The following USH2A variants were observed in gnomAD, a reference collection of about 807,000 sequenced individuals.
USH2A encodes the protein Usher syndrome 2A (autosomal recessive, mild).
USH2A carries 443 observed loss-of-function variants against 538.9 expected under a neutral mutation model. The observed-to-expected ratio is 0.82, with a 90% confidence interval of 0.76 to 0.89. USH2A has a LOEUF of 0.89. USH2A is among the 40% of genes least tolerant of loss of function. The pLI is 0.00. For missense variants in USH2A, 6,633 were observed against 6,324.8 expected (o/e 1.05, Z -1.65); for synonymous variants, 2,413 against 2,273.5 (o/e 1.06, Z -1.75).
chr1:216,325,275 A>G lies in USH2A; in HGVS notation c.1143+30T>C, dbSNP rs774573231. The G allele has an allele frequency of 2.5e-6, 4 of 1,611,586 alleles. No individual in the cohort carries two copies. In the Admixed American group the frequency reaches 6.7e-5, roughly 27 times the overall value. On this transcript the variant is annotated intron_variant, in intron 6 of 71. Coordinates refer to ENST00000307340, the MANE Select transcript of USH2A (RefSeq NM_206933.4). ...GCATTTGTTGCAATAACCACAGGAA[A>G]TTAATGTACACCTTATCGTTTCTCA... is the stretch of plus-strand genomic sequence containing the variant.
intron 4 of USH2A, among the ~76,000 whole-genome samples, chr1:216,352,454 A>T (rs1416097465): frequency 6.6e-6 from 1 of 152,144 alleles, no homozygotes; most frequent in Non-Finnish European, 1.5e-5. Context: ...TGTGAAGGTG[A>T]GTAGAGATTT....
chr1:215,900,145 A>G lies in USH2A; in HGVS notation c.7524T>C (p.Phe2508=). The change falls in exon 40 of 72, where the codon TTT becomes TTC. Residue 2508 remains phenylalanine, a synonymous_variant. Coordinates refer to ENST00000307340, the MANE Select transcript of USH2A (RefSeq NM_206933.4). ...CAAATCCATTGGAGGCAACCAACCG[A>G]AACATATACTCTGTGTACGGTTGGA... ...SDLQPYTEYM[F]RLVASNGFGS... is the part of the protein sequence containing the mutation. 5 of 1,613,776 alleles carry G rather than the reference A, an allele frequency of 3.1e-6. No individual in the cohort carries two copies. The highest frequency in any genetic ancestry group is 3.4e-6 in the Non-Finnish European group (4 of 1,179,778).
At chr1:215,961,088 T>C (rs891588404) in intron 37 of USH2A, among the ~76,000 whole-genome samples, 3 of 151,974 alleles carry the variant, frequency 2.0e-5, no homozygotes, top group Non-Finnish European at 4.4e-5. Flanking sequence ...TTAGAGAAAA[T>C]GACAATAATC....
In USH2A at chr1:216,000,692, A is replaced by G. The variant is rs891663042; in HGVS notation, c.6326-130T>C. On this transcript the variant is annotated intron_variant, in intron 32 of 71. Transcript: ENST00000307340. ...CTTAAAATATGAATAAATAGCCATA[A>G]AAATCAATAGCAATAACATATAGGA... 11 of 1,140,660 alleles carry G rather than the reference A, an allele frequency of 9.6e-6. No homozygotes were observed. The African/African-American group carries it at 1.5e-4, about 16-fold the overall frequency. 70.7% of individuals were successfully genotyped at this position (1,140,660 alleles called of 1,614,324 possible). A position where few individuals can be genotyped will look rare whatever the true frequency, so the allele number is the denominator to read the frequency against.
In USH2A at chr1:215,804,895, CAAT is replaced by C. The variant is rs1214427409; in HGVS notation, c.9740-5773_9740-5771del. 9.9e-5 allele frequency among the ~76,000 whole-genome samples: 15 copies of C among 152,192 alleles called. No individual in the cohort carries two copies. In the East Asian group the frequency reaches 2.7e-3, roughly 27 times the overall value. On this transcript the variant is annotated intron_variant, in intron 49 of 71. Transcript: ENST00000307340. ...ACTTGGAACCAACCCAAATGTCCAACAATGATAGACAGGATTAAGAAAATGTGG... is the reference window on the plus strand; with the variant it reads ...ACTTGGAACCAACCCAAATGTCCAACGATAGACAGGATTAAGAAAATGTGG...
chr1:215,710,253 G>T (rs1659301849), intron 61 of USH2A, among the ~76,000 whole-genome samples: 1 of 152,160 alleles, frequency 6.6e-6, no homozygotes, highest in South Asian at 2.1e-4. Context: ...TGATAACGAG[G>T]CAGACTACAG....
chr1:215,947,897 C>T (rs1441075001), intron 37 of USH2A, among the ~76,000 whole-genome samples: 1 of 151,864 alleles, frequency 6.6e-6, no homozygotes. Context: ...GGCATGTATG[C>T]CATACAGAGT....
At chr1:215,627,673 G>A (rs140657234) in intron 71 of USH2A, among the ~76,000 whole-genome samples, 3,295 of 151,752 alleles carry the variant, frequency 0.022, 103 homozygotes, top group African/African-American at 0.073. Flanking sequence ...TTACAGGTGC[G>A]CACCACCGCG....
chr1:216,209,289 G>A (rs549367695), intron 15 of USH2A, among the ~76,000 whole-genome samples: 4 of 152,244 alleles, frequency 2.6e-5, no homozygotes, highest in Admixed American at 2.0e-4. Flanking sequence ...CACAGGGAGC[G>A]GGGAATTAAA....
At chr1:216,290,999 C>A (rs961017831) in intron 10 of USH2A, among the ~76,000 whole-genome samples, 1 of 152,162 alleles carries the variant, frequency 6.6e-6, no homozygotes, top group Admixed American at 6.6e-5. Context: ...CTCACCTGGA[C>A]TATTGCAGCA....
intron 13 of USH2A, among the ~76,000 whole-genome samples, chr1:216,236,075 T>A (rs2035808960): frequency 6.6e-6 from 1 of 152,152 alleles, no homozygotes; most frequent in Admixed American, 6.6e-5. Flanking sequence ...ACGCTAAAAT[T>A]ACTTCTAGAC....
intron 35 of USH2A, among the ~76,000 whole-genome samples, chr1:215,983,520 T>A (rs2102468809): frequency 6.6e-6 from 1 of 152,260 alleles, no homozygotes; most frequent in Non-Finnish European, 1.5e-5. Flanking sequence ...TGAAACAAAG[T>A]TTAAGAAAAT....
chr1:216,296,426 T>C (rs2037106323), intron 9 of USH2A, among the ~76,000 whole-genome samples: 1 of 152,102 alleles, frequency 6.6e-6, no homozygotes, highest in South Asian at 2.1e-4. Flanking sequence ...GTCACTCTAC[T>C]GAAATGATTG....
chr1:216,325,541 G>T lies in USH2A; in HGVS notation c.907C>A (p.Arg303Ser), dbSNP rs748465849. The change falls in exon 6 of 72, where the codon CGT becomes AGT. Residue 303 changes from arginine (R) to serine (S), a missense_variant. Arg to Ser is a moderately radical substitution (Grantham distance 110). Coordinates refer to ENST00000307340, the MANE Select transcript of USH2A (RefSeq NM_206933.4). ...LLRLHAQSHCRCPGSHPRVHP... is the reference protein window; with the variant it reads ...LLRLHAQSHCSCPGSHPRVHP... ...ACCCGCGGGTGGCTGCCAGGGCAACGGCAATGTGATTGGGCATGCAATCTG... is the reference window on the plus strand; with the variant it reads ...ACCCGCGGGTGGCTGCCAGGGCAACTGCAATGTGATTGGGCATGCAATCTG... 5 of 1,613,536 alleles carry T rather than the reference G, an allele frequency of 3.1e-6. No individual in the cohort carries two copies. The highest frequency in any genetic ancestry group is 3.3e-5 in the Admixed American group (2 of 59,938).
chr1:216,179,075 T>C (rs769974897), intron 20 of USH2A, among the ~76,000 whole-genome samples: 18 of 152,118 alleles, frequency 1.2e-4, no homozygotes, highest in Non-Finnish European at 2.4e-4. Context: ...CCCATTTGTT[T>C]GAAAGTTGAT....
intron 38 of USH2A, among the ~76,000 whole-genome samples, chr1:215,908,562 TA>T (rs1665697873): frequency 2.0e-5 from 3 of 151,982 alleles, no homozygotes; most frequent in African/African-American, 7.2e-5. Flanking sequence ...ATAGCCATGG[TA>T]AAATTATTAT....
chr1:215,970,507 C>T, intron 36 of USH2A, 118 bp downstream of exon 36: 1 of 1,280,696 alleles, frequency 7.8e-7, no homozygotes, highest in Non-Finnish European at 1.1e-6. Context: ...GAAAAATCTC[C>T]CATCCTGCTT....
chr1:216,274,894 G>A (rs1282915502), intron 11 of USH2A, among the ~76,000 whole-genome samples: 3 of 151,950 alleles, frequency 2.0e-5, no homozygotes, highest in African/African-American at 7.3e-5. Flanking sequence ...ACTTCCCCAC[G>A]ATAATCTCTA....
intron 60 of USH2A, among the ~76,000 whole-genome samples, chr1:215,738,549 T>G (rs939230016): frequency 1.3e-5 from 2 of 152,158 alleles, no homozygotes; most frequent in Admixed American, 1.3e-4. Context: ...TTTTGCTTTG[T>G]TTTTGAAGTC....
Sources: allele counts gnomAD v4.1 joint callset (sites outside exome capture counted in the v4.1 genomes callset), GRCh38; gene constraint gnomAD v4.1.1; transcripts MANE v1.5; gene names NCBI Gene and HGNC (gene_info 2026-07-23, HGNC 2026-07-21).